Variants in FAM107B observed in about 807,000 individuals in gnomAD.
FAM107B encodes family with sequence similarity 107 member B, also known as protein FAM107B.
FAM107B carries 21 observed loss-of-function variants against 31.5 expected under a neutral mutation model. That is an observed-to-expected ratio of 0.67 (90% CI 0.47 to 0.96). FAM107B has a LOEUF of 0.96. FAM107B is among the 40% of genes least tolerant of loss of function. The pLI, the probability that FAM107B is intolerant of heterozygous loss-of-function variation, is 0.00. For synonymous variants in FAM107B, 157 were observed against 141.5 expected (o/e 1.11, Z -0.78); for missense variants, 452 against 377.1 (o/e 1.20, Z -1.64).
intron 2 of FAM107B, among the ~76,000 whole-genome samples, chr10:14,656,286 C>T (rs1351535713): frequency 6.6e-6 from 1 of 152,204 alleles, no homozygotes; most frequent in African/African-American, 2.4e-5. Context: ...AAGAGGCTGA[C>T]TTCACAGGGA....
chr10:14,748,439 G>C (rs569925112), intron 1 of FAM107B, among the ~76,000 whole-genome samples: 2 of 152,320 alleles, frequency 1.3e-5, no homozygotes, highest in Admixed American at 6.5e-5. Flanking sequence ...TCTAGATGCT[G>C]ATGATATCAG....
chr10:14,754,895 A>G (rs1832898798), intron 1 of FAM107B, among the ~76,000 whole-genome samples: 1 of 152,200 alleles, frequency 6.6e-6, no homozygotes, highest in Non-Finnish European at 1.5e-5. Flanking sequence ...TTTTAAAATT[A>G]TCAAGTCAAA....
At chr10:14,523,867 C>CTTT (rs1169705257) in intron 3 of FAM107B, among the ~76,000 whole-genome samples, 2 of 138,620 alleles carry the variant, frequency 1.4e-5, no homozygotes, top group Non-Finnish European at 3.2e-5. Flanking sequence ...TATATTCCAT[C>CTTT]TTTTTTTTTT....
At chr10:14,727,429 C>T (rs917013031) in intron 1 of FAM107B, among the ~76,000 whole-genome samples, 6 of 152,344 alleles carry the variant, frequency 3.9e-5, no homozygotes, top group Non-Finnish European at 8.8e-5. Context: ...CCTGGACTTG[C>T]AACTGTCAGC....
chr10:14,672,120 C>T (rs1854574152), intron 1 of FAM107B, among the ~76,000 whole-genome samples: 2 of 143,992 alleles, frequency 1.4e-5, no homozygotes, highest in Non-Finnish European at 3.0e-5. Context: ...TTTTTTGAGG[C>T]AAAGTCTTGC....
intron 2 of FAM107B, among the ~76,000 whole-genome samples, chr10:14,533,930 G>T (rs760816056): frequency 4.0e-5 from 6 of 148,650 alleles, no homozygotes; most frequent in South Asian, 2.1e-4. Flanking sequence ...CGGTGCAGGA[G>T]GGGGGGGCTG....
intron 1 of FAM107B, among the ~76,000 whole-genome samples, chr10:14,700,574 G>A (rs1855373656): frequency 6.6e-6 from 1 of 151,884 alleles, no homozygotes; most frequent in Non-Finnish European, 1.5e-5. Flanking sequence ...TGAGGGGTGG[G>A]GTGGGAGTCT....
intron 1 of FAM107B, among the ~76,000 whole-genome samples, chr10:14,763,934 T>C (rs185006650): frequency 1.1e-4 from 17 of 152,366 alleles, no homozygotes; most frequent in Admixed American, 1.1e-3. Context: ...GTTTCACCCT[T>C]TATTCGGCCT....
At chr10:14,772,734 TG>T (rs1318160682) in intron 1 of FAM107B, among the ~76,000 whole-genome samples, 1 of 152,196 alleles carries the variant, frequency 6.6e-6, no homozygotes, top group African/African-American at 2.4e-5. Flanking sequence ...GGACCACCCA[TG>T]GCTTTGCTCC....
At chr10:14,597,806 C>T (rs1852235805) in intron 2 of FAM107B, among the ~76,000 whole-genome samples, 1 of 152,076 alleles carries the variant, frequency 6.6e-6, no homozygotes, top group African/African-American at 2.4e-5. Context: ...AAAAGTGAGC[C>T]AGGCGTGGTG....
At chr10:14,674,210 A>G (rs1445043112) in intron 1 of FAM107B, among the ~76,000 whole-genome samples, 1 of 152,226 alleles carries the variant, frequency 6.6e-6, no homozygotes, top group Non-Finnish European at 1.5e-5. Flanking sequence ...TATGGCTAGT[A>G]CCTCAAAAAC....
intron 2 of FAM107B, chr10:14,548,473 C>G: frequency 1.0e-6 from 1 of 985,752 alleles, no homozygotes; most frequent in Non-Finnish European, 1.2e-6. Context: ...CAGGGCTCCT[C>G]TGCAGTTCAC....
At chr10:14,677,599 C>G (rs970380050) in intron 1 of FAM107B, among the ~76,000 whole-genome samples, 3 of 151,320 alleles carry the variant, frequency 2.0e-5, no homozygotes, top group East Asian at 1.9e-4. Flanking sequence ...CCAGCCTGGG[C>G]GACAGAGCGA....
intron 1 of FAM107B, among the ~76,000 whole-genome samples, chr10:14,756,442 A>G (rs968012540): frequency 1.3e-5 from 2 of 152,192 alleles, no homozygotes; most frequent in Non-Finnish European, 2.9e-5. Context: ...GGTGGGCCTC[A>G]TCCAATCATT....
At chr10:14,633,757 C>A (rs1853426416) in intron 2 of FAM107B, among the ~76,000 whole-genome samples, 1 of 152,180 alleles carries the variant, frequency 6.6e-6, no homozygotes, top group African/African-American at 2.4e-5. Context: ...TGCAACCTGA[C>A]AACTTTTTTT....
chr10:14,650,008 A>G (rs1157238097), intron 2 of FAM107B, among the ~76,000 whole-genome samples: 1 of 152,138 alleles, frequency 6.6e-6, no homozygotes, highest in Non-Finnish European at 1.5e-5. Context: ...CTCTTGGGTC[A>G]ACACCTGGTC....
chr10:14,569,772 C>CCT (rs1851032133), intron 2 of FAM107B, among the ~76,000 whole-genome samples: 1 of 152,176 alleles, frequency 6.6e-6, no homozygotes, highest in Admixed American at 6.5e-5. Context: ...TTCCCTTCTC[C>CCT]CTCCTCAATG....
chr10:14,580,850 T>C (rs1851612306), intron 2 of FAM107B, among the ~76,000 whole-genome samples: 1 of 152,232 alleles, frequency 6.6e-6, no homozygotes, highest in South Asian at 2.1e-4. Flanking sequence ...TGGAACGTAA[T>C]GTATTCTGCA....
At chr10:14,633,429 C>T (rs571501607) in intron 2 of FAM107B, among the ~76,000 whole-genome samples, 1 of 152,236 alleles carries the variant, frequency 6.6e-6, no homozygotes, top group Non-Finnish European at 1.5e-5. Flanking sequence ...ACTTAATCAA[C>T]CTAATACTGC....
Sources: allele counts gnomAD v4.1 joint callset (sites outside exome capture counted in the v4.1 genomes callset), GRCh38; gene constraint gnomAD v4.1.1; transcripts MANE v1.5; gene names NCBI Gene and HGNC (gene_info 2026-07-23, HGNC 2026-07-21).